RASSF8: variants seen among roughly 807,000 people sequenced by gnomAD.
The protein encoded by RASSF8 is ras association domain-containing protein 8.
RASSF8 carries 22 observed loss-of-function variants against 48.5 expected under a neutral mutation model. The ratio of observed to expected loss-of-function variants is 0.45; its 90% CI spans 0.32 to 0.65. The LOEUF (loss-of-function observed/expected upper bound fraction) is 0.65, where lower values mean the gene tolerates loss of function less well. RASSF8 is among the 30% of genes least tolerant of loss of function. The pLI is 0.03. For missense variants in RASSF8, 418 were observed against 489.2 expected, an observed-to-expected ratio of 0.85 and a Z score of 1.37; for synonymous variants, 127 against 171.5, an observed-to-expected ratio of 0.74 and a Z score of 2.03.
At position 26,067,605 on chromosome 12, in the gene RASSF8, T is replaced by G; in HGVS notation, c.1030T>G (p.Leu344Val). 6.2e-7 allele frequency: 1 copy of G among 1,613,732 alleles called. No individual in the cohort carries two copies. The highest frequency in any genetic ancestry group is 2.2e-5 in the East Asian group (1 of 44,838). The change falls in exon 5 of 6, where the codon TTG becomes GTG. Residue 344 changes from leucine to valine, a missense_variant. Physicochemically the swap from Leu to Val is conservative, Grantham distance 32. Coordinates refer to ENST00000689635, the MANE Select transcript of RASSF8 (RefSeq NM_001394098.1). ...GGAACTGGAGCAGTTGACTAAGGAG[T>G]TGCGGCAAGTCAATCTCCAGCAGTT... is the stretch of plus-strand genomic sequence containing the variant. ...EQELEQLTKE[L>V]RQVNLQQFIQ...
chr12:25,989,919 C>T (rs1592239121), intron 1 of RASSF8, among the ~76,000 whole-genome samples: 1 of 152,276 alleles, frequency 6.6e-6, no homozygotes, highest in Middle Eastern at 3.4e-3. Flanking sequence ...CAAATCAGGG[C>T]TCCACCGTTT....
At chr12:26,066,407 G>A (rs1056758239) in intron 4 of RASSF8, among the ~76,000 whole-genome samples, 2 of 152,160 alleles carry the variant, frequency 1.3e-5, no homozygotes, top group South Asian at 4.1e-4. Flanking sequence ...CACAATCAGA[G>A]AAAGCTGAGG....
intron 2 of RASSF8, among the ~76,000 whole-genome samples, chr12:26,012,924 C>T (rs1192765789): frequency 6.6e-6 from 1 of 152,126 alleles, no homozygotes; most frequent in East Asian, 1.9e-4. Context: ...AATCCTTCTG[C>T]CTCATCCTCC....
chr12:26,048,567 G>T (rs529654118), intron 2 of RASSF8, among the ~76,000 whole-genome samples: 1 of 152,132 alleles, frequency 6.6e-6, no homozygotes, highest in East Asian at 1.9e-4. Flanking sequence ...GCCATTGGAA[G>T]CCCTGACCAA....
At chr12:26,003,298 T>G (rs34762179) in intron 2 of RASSF8, among the ~76,000 whole-genome samples, 4 of 152,222 alleles carry the variant, frequency 2.6e-5, no homozygotes, top group Non-Finnish European at 5.9e-5. Context: ...ATGCCTGATA[T>G]AAAACCCATT....
Position 26,068,884 on chromosome 12 carries a change from T to G in RASSF8, c.*66T>G. The G allele has an allele frequency of 6.6e-7, 1 of 1,520,364 alleles. No individual in the cohort carries two copies. Among genetic ancestry groups the G allele is most frequent in the Non-Finnish European group, 8.8e-7 (1 of 1,138,554 alleles). The allele number at this position is 1,520,364 out of a possible 1,614,324, so 94.2% of individuals were successfully genotyped here. A position where few individuals can be genotyped will look rare whatever the true frequency, so the allele number is the denominator to read the frequency against. ...AGGACAGTAAACTTCCTTTTTGATT[T>G]GTGCCAATGATGAACAGAGGATCTA... On this transcript the variant is annotated 3_prime_UTR_variant, in exon 6 of 6. Transcript: ENST00000689635.
At chr12:26,067,325 T>A (rs528780246) in intron 4 of RASSF8, among the ~76,000 whole-genome samples, 1 of 152,328 alleles carries the variant, frequency 6.6e-6, no homozygotes, top group South Asian at 2.1e-4. Flanking sequence ...GAGGAAAGCA[T>A]CACATTTAAG....
Position 26,070,359 on chromosome 12 carries a change from A to G in RASSF8, c.*1541A>G. The G allele has an allele frequency of 2.0e-6, 2 of 985,318 alleles. No homozygotes were observed. Among genetic ancestry groups the G allele is most frequent in the Non-Finnish European group, 2.4e-6 (2 of 829,832 alleles). 61.0% of individuals were successfully genotyped at this position (985,318 alleles called of 1,614,324 possible). On this transcript the variant is annotated 3_prime_UTR_variant, in exon 6 of 6. Coordinates refer to ENST00000689635, the MANE Select transcript of RASSF8 (RefSeq NM_001394098.1). ...TAGGTTTCCTATGAAATTTTTAAGA[A>G]TGGCTATGAGACTGTATAGAAGCTT...
intron 2 of RASSF8, among the ~76,000 whole-genome samples, chr12:25,996,259 T>C (rs1296611731): frequency 6.6e-6 from 1 of 152,232 alleles, no homozygotes; most frequent in East Asian, 1.9e-4. Context: ...ATTTGTAATA[T>C]GGCCTAAAAA....
intron 2 of RASSF8, among the ~76,000 whole-genome samples, chr12:26,038,611 ACACACAC>A (rs1943200539): frequency 1.1e-4 from 1 of 9,120 alleles, no homozygotes; most frequent in Non-Finnish European, 2.2e-4. Context: ...TTATTAAAAC[ACACACAC>A]ACACACACAC....
At chr12:26,026,236 G>C (rs1942909992) in intron 2 of RASSF8, among the ~76,000 whole-genome samples, 1 of 152,130 alleles carries the variant, frequency 6.6e-6, no homozygotes, top group South Asian at 2.1e-4. Context: ...TAAGGAGCTT[G>C]TTTTTAGAGT....
intron 1 of RASSF8, among the ~76,000 whole-genome samples, chr12:25,975,254 C>T (rs1443634032): frequency 1.3e-5 from 2 of 152,124 alleles, no homozygotes; most frequent in Non-Finnish European, 2.9e-5. Context: ...AACAAATAGT[C>T]TCGATATCAT....
At chr12:25,964,229 T>C (rs1328473825) in intron 1 of RASSF8, among the ~76,000 whole-genome samples, 3 of 152,192 alleles carry the variant, frequency 2.0e-5, no homozygotes, top group Non-Finnish European at 4.4e-5. Context: ...ACCAATAATA[T>C]TTATTACCCA....
chr12:26,028,730 A>G (rs558171718), intron 2 of RASSF8, among the ~76,000 whole-genome samples: 1 of 152,276 alleles, frequency 6.6e-6, no homozygotes, highest in South Asian at 2.1e-4. Context: ...TGTACTGGGT[A>G]TATTTTGTAT....
chr12:25,985,573 T>A (rs2136924679), intron 1 of RASSF8, among the ~76,000 whole-genome samples: 1 of 152,374 alleles, frequency 6.6e-6, no homozygotes, highest in South Asian at 2.1e-4. Context: ...TTACTTGAGG[T>A]AAATGAGTAA....
rs148304205 is a variant in RASSF8 at position 26,036,022 on chromosome 12, A to G, written c.-108-19214A>G. ...TCACTCCTCTGAGCATAAGGGCCCA[A>G]ACTCAGTCTAAAGGGCAGATACCAT... On this transcript the variant is annotated intron_variant, in intron 2 of 5. Coordinates refer to ENST00000689635, the MANE Select transcript of RASSF8 (RefSeq NM_001394098.1). Among the ~76,000 whole-genome samples the G allele has an allele frequency of 6.1e-3, 916 of 150,368 alleles. 11 individuals are homozygous for G. The highest frequency in any genetic ancestry group is 0.021 in the African/African-American group (874 of 41,094).
At chr12:26,054,506 A>C (rs1198698492) in intron 2 of RASSF8, among the ~76,000 whole-genome samples, 1 of 152,226 alleles carries the variant, frequency 6.6e-6, no homozygotes, top group African/African-American at 2.4e-5. Flanking sequence ...TTCACACATG[A>C]GGAAACTGTT....
intron 1 of RASSF8, among the ~76,000 whole-genome samples, chr12:25,960,403 C>G (rs772194434): frequency 6.6e-6 from 1 of 151,950 alleles, no homozygotes; most frequent in Non-Finnish European, 1.5e-5. Context: ...GCAGGGTGGA[C>G]GCAAAAATCA....
chr12:26,035,166 G>A (rs1198429282), intron 2 of RASSF8, among the ~76,000 whole-genome samples: 2 of 151,870 alleles, frequency 1.3e-5, no homozygotes, highest in African/African-American at 4.8e-5. Flanking sequence ...TGTGGAAATG[G>A]CTTTCCAACC....
Sources: allele counts gnomAD v4.1 joint callset (sites outside exome capture counted in the v4.1 genomes callset), GRCh38; gene constraint gnomAD v4.1.1; transcripts MANE v1.5; gene names NCBI Gene and HGNC (gene_info 2026-07-23, HGNC 2026-07-21).